TMTC3: variants seen among roughly 807,000 people sequenced by gnomAD.
TMTC3 encodes protein O-mannosyl-transferase TMTC3.
A neutral mutation model predicts 92.2 loss-of-function variants in TMTC3; 52 were observed. That is an observed-to-expected ratio of 0.56 (90% CI 0.45 to 0.71). The LOEUF (loss-of-function observed/expected upper bound fraction) is 0.71. TMTC3 is among the 30% of genes least tolerant of loss of function. The pLI is 0.00. For synonymous variants in TMTC3, 339 were observed against 363.3 expected, an observed-to-expected ratio of 0.93 and a Z score of 0.76; for missense variants, 896 against 1,057.1, an observed-to-expected ratio of 0.85 and a Z score of 2.11.
Position 88,195,714 on chromosome 12 carries a change from T to C in TMTC3, c.*65T>C. On this transcript the variant is annotated 3_prime_UTR_variant, in exon 14 of 14. Transcript: ENST00000266712. Reference sequence around the variant, plus strand: ...ATCCGTATCATGTGATTGCTTTTACTGGGAGCTTTGAAAAAAAGTTCAAGG... The same window carrying C: ...ATCCGTATCATGTGATTGCTTTTACCGGGAGCTTTGAAAAAAAGTTCAAGG... The C allele has an allele frequency of 7.1e-7, 1 of 1,407,592 alleles. No individual in the cohort carries two copies. The highest frequency in any genetic ancestry group is 1.5e-5 in the South Asian group (1 of 66,888). 87.2% of individuals were successfully genotyped at this position (1,407,592 alleles called of 1,614,324 possible).
chr12:88,166,298 A>G, intron 6 of TMTC3, 32 bp from the exon 7 acceptor site: 1 of 1,578,294 alleles, frequency 6.3e-7, no homozygotes, highest in Non-Finnish European at 8.6e-7. Flanking sequence ...TAAAAGTTTT[A>G]TTTGTAATCT....
intron 6 of TMTC3, among the ~76,000 whole-genome samples, chr12:88,165,296 T>G (rs2138392034): frequency 6.6e-6 from 1 of 152,214 alleles, no homozygotes; most frequent in African/African-American, 2.4e-5. Flanking sequence ...CTAAATAAAC[T>G]GTAATTTTTA....
chr12:88,158,172 T>C (rs1457587672), intron 4 of TMTC3, among the ~76,000 whole-genome samples: 1 of 152,228 alleles, frequency 6.6e-6, no homozygotes, highest in Non-Finnish European at 1.5e-5. Context: ...CCAAACTGGC[T>C]ATATAAACTG....
chr12:88,148,768 G>A (rs1476780508), intron 2 of TMTC3, among the ~76,000 whole-genome samples: 2 of 151,574 alleles, frequency 1.3e-5, no homozygotes, highest in East Asian at 1.9e-4. Context: ...TAGATACAGG[G>A]CTACATATGC....
chr12:88,161,171 ATC>A (rs1347705156), intron 6 of TMTC3, among the ~76,000 whole-genome samples: 2 of 152,034 alleles, frequency 1.3e-5, no homozygotes, highest in Non-Finnish European at 2.9e-5. Context: ...AGATGTTGAA[ATC>A]TCTGACTATA....
chr12:88,173,550 ATTC>A (rs1252839376), intron 8 of TMTC3, among the ~76,000 whole-genome samples: 2 of 152,038 alleles, frequency 1.3e-5, no homozygotes, highest in African/African-American at 4.8e-5. Flanking sequence ...GTCCTGATTA[ATTC>A]TTCTGGCTGC....
At chr12:88,153,686 A>G (rs2040972023) in intron 3 of TMTC3, among the ~76,000 whole-genome samples, 177 bp downstream of exon 3, 1 of 152,090 alleles carries the variant, frequency 6.6e-6, no homozygotes, top group Non-Finnish European at 1.5e-5. Flanking sequence ...GCAAAGTATA[A>G]CTTCCTACTG....
intron 1 of TMTC3, among the ~76,000 whole-genome samples, chr12:88,145,940 A>G (rs1410858771): frequency 6.6e-6 from 1 of 152,206 alleles, no homozygotes; most frequent in Non-Finnish European, 1.5e-5. Context: ...TTGTGCACAT[A>G]TATAGTAACA....
Position 88,198,365 on chromosome 12 carries a change from C to A in TMTC3, c.*2716C>A, listed in dbSNP as rs921925888. 2 of 397,920 alleles carry A rather than the reference C, an allele frequency of 5.0e-6. No homozygotes were observed. Among genetic ancestry groups the A allele is most frequent in the Admixed American group, 8.8e-5 (2 of 22,664 alleles). The allele number at this position is 397,920 out of a possible 1,614,324, so 24.6% of individuals were successfully genotyped here. A position where few individuals can be genotyped will look rare whatever the true frequency, so the allele number is the denominator to read the frequency against. ...TGCTGGTGAATGGATAGTTTTAATT[C>A]TCACTGTCTCAAAAGAGAATCAGCT... is the stretch of plus-strand genomic sequence containing the variant. On this transcript the variant is annotated 3_prime_UTR_variant, in exon 14 of 14. Transcript: ENST00000266712.
chr12:88,192,475 AG>A, intron 12 of TMTC3, 128 bp from the exon 13 acceptor site: 3 of 606,414 alleles, frequency 4.9e-6, no homozygotes, highest in Non-Finnish European at 8.8e-6. Context: ...TTCGAAAGAG[AG>A]TTTTTTAAGA....
chr12:88,177,858 A>G (rs546464853), intron 10 of TMTC3, among the ~76,000 whole-genome samples: 68 of 152,348 alleles, frequency 4.5e-4, no homozygotes, highest in Middle Eastern at 6.8e-3. Context: ...ATCATTTGGA[A>G]AAAAGGTCAT....
At chr12:88,192,545 G>C (rs1471580937) in intron 12 of TMTC3, 59 bp from the exon 13 acceptor site, 2 of 1,346,850 alleles carry the variant, frequency 1.5e-6, no homozygotes, top group East Asian at 2.3e-5. Flanking sequence ...GGCAAAAATT[G>C]TATCTACAAA....
chr12:88,147,796 C>T (rs1181620662), intron 1 of TMTC3, among the ~76,000 whole-genome samples: 1 of 151,466 alleles, frequency 6.6e-6, no homozygotes, highest in Non-Finnish European at 1.5e-5. Context: ...GATTCCTGAT[C>T]CTTACTCTGG....
rs150955123 is a variant in TMTC3 at position 88,185,429 on chromosome 12, A to G, written c.1433-3414A>G. 2.2e-3 allele frequency among the ~76,000 whole-genome samples: 338 copies of G among 151,472 alleles called. 2 individuals are homozygous for G. Among genetic ancestry groups the G allele is most frequent in the African/African-American group, 7.8e-3 (321 of 41,228 alleles). On this transcript the variant is annotated intron_variant, in intron 10 of 13. Transcript: ENST00000266712. ...ATGAATCAAAAACCCATACCTTGGT[A>G]TGGCTGAGTAGTATTCCTTCACGTA... is the stretch of plus-strand genomic sequence containing the variant.
chr12:88,163,469 G>A (rs2041103922), intron 6 of TMTC3, among the ~76,000 whole-genome samples: 1 of 152,126 alleles, frequency 6.6e-6, no homozygotes, highest in African/African-American at 2.4e-5. Flanking sequence ...ACTACAAACT[G>A]AATAGCTTAA....
intron 10 of TMTC3, among the ~76,000 whole-genome samples, chr12:88,182,668 G>A (rs913880870): frequency 4.6e-5 from 7 of 152,124 alleles, no homozygotes; most frequent in African/African-American, 1.4e-4. Context: ...TACTGGCTCC[G>A]TTGGGGATGC....
rs577575304 is a variant in TMTC3 at position 88,160,891 on chromosome 12, T to C, written c.797+40T>C. The C allele has an allele frequency of 5.9e-6, 9 of 1,536,262 alleles. No individual in the cohort carries two copies. In the African/African-American group the frequency reaches 9.8e-5, roughly 17 times the overall value. On this transcript the variant is annotated intron_variant, in intron 6 of 13. Coordinates refer to ENST00000266712, the MANE Select transcript of TMTC3 (RefSeq NM_181783.4). ...TTCTTTGTTTTCTCCATTCTTTTTT[T>C]TAACTTTGGATTTTAATGATCATAA...
intron 6 of TMTC3, among the ~76,000 whole-genome samples, chr12:88,162,430 G>T (rs1355130545): frequency 6.6e-6 from 1 of 152,052 alleles, no homozygotes; most frequent in African/African-American, 2.4e-5. Flanking sequence ...TTGTATGTCA[G>T]TTAAGTATAT....
intron 10 of TMTC3, among the ~76,000 whole-genome samples, chr12:88,183,497 C>T (rs990958777): frequency 3.3e-5 from 5 of 152,178 alleles, no homozygotes; most frequent in African/African-American, 9.6e-5. Context: ...GGAGGAGGGG[C>T]CTCAGGCAAA....
Sources: allele counts gnomAD v4.1 joint callset (sites outside exome capture counted in the v4.1 genomes callset), GRCh38; gene constraint gnomAD v4.1.1; transcripts MANE v1.5; gene names NCBI Gene and HGNC (gene_info 2026-07-23, HGNC 2026-07-21).